ZSWIM5: variants seen among roughly 807,000 people sequenced by gnomAD.
ZSWIM5 encodes zinc finger SWIM domain-containing protein 5.
ZSWIM5 carries 55 observed loss-of-function variants against 119.6 expected under a neutral mutation model. The observed-to-expected ratio is 0.46, with a 90% CI of 0.37 to 0.58. The LOEUF is 0.58. ZSWIM5 is among the 20% of genes least tolerant of loss of function. The pLI, the probability that ZSWIM5 is intolerant of heterozygous loss-of-function variation, is 0.00. For missense variants in ZSWIM5, 1,193 were observed against 1,512.8 expected, an observed-to-expected ratio of 0.79 and a Z score of 3.51; for synonymous variants, 537 against 606.9, an observed-to-expected ratio of 0.88 and a Z score of 1.69.
At chr1:45,059,814 G>A (rs1645142562) in intron 3 of ZSWIM5, among the ~76,000 whole-genome samples, 1 of 152,128 alleles carries the variant, frequency 6.6e-6, no homozygotes, top group African/African-American at 2.4e-5. Flanking sequence ...AGGCAGCACT[G>A]GATTAAAAGC....
chr1:45,206,029 C>T lies in ZSWIM5; in HGVS notation c.322G>A (p.Glu108Lys). 1 of 1,606,082 alleles carries T rather than the reference C, an allele frequency of 6.2e-7. No homozygotes were observed. Residue 108 changes from glutamate to lysine, a missense_variant, in exon 1 of 14, where the codon GAG (glutamate) becomes AAG (lysine). This residue lies in a region of ZSWIM5 where 232 missense variants were observed against 222.9 expected (regional missense o/e 1.04). Transcript: ENST00000359600. ...TGGAAGCTGGAGTACATGCAGATCT[C>T]CCGCTCATTCCGCGGGAAGGACCAG... ...VYWSFPRNER[E>K]ICMYSSFQYR...
At position 45,043,406 on chromosome 1, in the gene ZSWIM5, A is replaced by G. The variant is rs757799733; in HGVS notation, c.1433-11T>C. On this transcript the variant is annotated splice_polypyrimidine_tract_variant and intron_variant, in intron 5 of 13. Coordinates refer to ENST00000359600, the MANE Select transcript of ZSWIM5 (RefSeq NM_020883.2). ...GTCTGGATAAGGAGTCTGGAGAAAG[A>G]AGAACATGCAGCAGTACAGTGACAG... 3 of 1,613,744 alleles carry G rather than the reference A, an allele frequency of 1.9e-6. No homozygotes were observed. Among genetic ancestry groups the G allele is most frequent in the South Asian group, 2.2e-5 (2 of 91,084 alleles).
intron 4 of ZSWIM5, among the ~76,000 whole-genome samples, chr1:45,052,696 C>T (rs1645096213): frequency 6.6e-6 from 1 of 151,356 alleles, no homozygotes; most frequent in African/African-American, 2.4e-5. Flanking sequence ...TTGTTTGAGC[C>T]CAGGAGGTGG....
At position 45,087,957 on chromosome 1, in the gene ZSWIM5, G is replaced by A. The variant is rs772526754; in HGVS notation, c.876C>T (p.His292=). The stretch of plus-strand genomic sequence containing the variant: ...TCTGTGCAGTAGGAAGAACTTCAGT[G>A]TGGTGTGCCGTGATTAAATATTGAA... ...KFIQYLITAH[H]TEVLPTAQKL... The change falls in exon 2 of 14, where the codon CAC becomes CAT. Residue 292 remains histidine (H), a synonymous_variant. Coordinates refer to ENST00000359600, the MANE Select transcript of ZSWIM5 (RefSeq NM_020883.2). 23 of 1,614,088 alleles carry A rather than the reference G, an allele frequency of 1.4e-5. No individual in the cohort carries two copies. In the African/African-American group the frequency reaches 1.7e-4, roughly 12 times the overall value.
At chr1:45,145,794 T>C (rs1038939094) in intron 1 of ZSWIM5, among the ~76,000 whole-genome samples, 4 of 152,152 alleles carry the variant, frequency 2.6e-5, no homozygotes, top group African/African-American at 9.7e-5. Context: ...AAAGTCACTT[T>C]TATTGTGTGA....
intron 11 of ZSWIM5, among the ~76,000 whole-genome samples, chr1:45,031,169 A>ATTTTTTTTTTT (rs34390567): frequency 3.2e-5 from 2 of 61,746 alleles, no homozygotes; most frequent in Non-Finnish European, 5.5e-5. Flanking sequence ...TTTTGCTCTG[A>ATTTTTTTTTTT]TTTTTTTTTT....
At chr1:45,071,001 T>C (rs532300096) in intron 2 of ZSWIM5, among the ~76,000 whole-genome samples, 6 of 152,300 alleles carry the variant, frequency 3.9e-5, no homozygotes, top group African/African-American at 1.4e-4. Context: ...TGTGGGTAGA[T>C]AGTAGGTATA....
At chr1:45,034,683 G>A (rs943976228) in intron 10 of ZSWIM5, among the ~76,000 whole-genome samples, 4 of 152,180 alleles carry the variant, frequency 2.6e-5, no homozygotes, top group African/African-American at 9.7e-5. Flanking sequence ...CACTACAAAT[G>A]GATGTGAAAG....
At position 45,017,138 on chromosome 1, in the gene ZSWIM5, G is replaced by C. The variant is rs538433682; in HGVS notation, c.*1316C>G. The C allele has an allele frequency of 6.6e-6, 1 of 152,322 alleles. No homozygotes were observed. The highest frequency in any genetic ancestry group is 2.1e-4 in the South Asian group (1 of 4,824). 9.4% of individuals were successfully genotyped at this position (152,322 alleles called of 1,614,324 possible). On this transcript the variant is annotated 3_prime_UTR_variant, in exon 14 of 14. Coordinates refer to ENST00000359600, the MANE Select transcript of ZSWIM5 (RefSeq NM_020883.2). Reference sequence around the variant, plus strand: ...AATGAATAGAGGAGGCACAGAGATGGGGAACAAACGTTTAGCTGGCGAGAG... The same window carrying C: ...AATGAATAGAGGAGGCACAGAGATGCGGAACAAACGTTTAGCTGGCGAGAG...
intron 1 of ZSWIM5, among the ~76,000 whole-genome samples, chr1:45,163,931 C>T (rs1557785208): frequency 6.6e-6 from 1 of 152,182 alleles, no homozygotes; most frequent in Non-Finnish European, 1.5e-5. Flanking sequence ...CCCAACCTAG[C>T]AAGGCAGGCC....
intron 1 of ZSWIM5, among the ~76,000 whole-genome samples, chr1:45,178,951 T>C (rs1232311449): frequency 1.3e-5 from 2 of 152,024 alleles, no homozygotes; most frequent in Non-Finnish European, 2.9e-5. Context: ...ATGAATGAAT[T>C]CCACAAGGTT....
At chr1:45,150,678 C>T (rs1246860874) in intron 1 of ZSWIM5, among the ~76,000 whole-genome samples, 1 of 152,168 alleles carries the variant, frequency 6.6e-6, no homozygotes, top group East Asian at 1.9e-4. Context: ...TACTATTACT[C>T]TTATTACATT....
intron 2 of ZSWIM5, among the ~76,000 whole-genome samples, chr1:45,077,624 A>T (rs1228029808): frequency 6.6e-6 from 1 of 152,216 alleles, no homozygotes; most frequent in Non-Finnish European, 1.5e-5. Context: ...CAGGGTTTTG[A>T]GATCAACTGG....
At chr1:45,123,202 C>T (rs1249419464) in intron 1 of ZSWIM5, among the ~76,000 whole-genome samples, 1 of 151,964 alleles carries the variant, frequency 6.6e-6, no homozygotes, top group African/African-American at 2.4e-5. Flanking sequence ...CCCCAAATGT[C>T]CAGGTTTAAA....
chr1:45,103,232 T>C (rs889567100), intron 1 of ZSWIM5, among the ~76,000 whole-genome samples: 12 of 152,316 alleles, frequency 7.9e-5, no homozygotes, highest in African/African-American at 2.9e-4. Context: ...TTTTCAAAAA[T>C]ATAAAATACA....
At chr1:45,097,302 G>GATATATACAA (rs1645409326) in intron 1 of ZSWIM5, among the ~76,000 whole-genome samples, 1 of 152,186 alleles carries the variant, frequency 6.6e-6, no homozygotes, top group Non-Finnish European at 1.5e-5. Flanking sequence ...GTGACAGACA[G>GATATATACAA]ATATATACAA....
chr1:45,164,668 T>C lies in ZSWIM5; in HGVS notation c.595+41088A>G, dbSNP rs560902868. On this transcript the variant is annotated intron_variant, in intron 1 of 13. Transcript: ENST00000359600. ...AAAACAAAAGCAGGAGTTGCAATCCTAGTCTCTGATAAAACAGACTTTAAA... is the reference window on the plus strand; with the variant it reads ...AAAACAAAAGCAGGAGTTGCAATCCCAGTCTCTGATAAAACAGACTTTAAA... Among the ~76,000 whole-genome samples, 154 of 152,220 alleles carry C rather than the reference T, an allele frequency of 1.0e-3. 3 individuals carry two copies. The highest frequency in any genetic ancestry group is 2.0e-3 in the Non-Finnish European group (134 of 68,010).
intron 1 of ZSWIM5, among the ~76,000 whole-genome samples, chr1:45,160,447 C>T (rs1557784028): frequency 6.6e-6 from 1 of 152,152 alleles, no homozygotes; most frequent in Non-Finnish European, 1.5e-5. Context: ...ATGTACTCCT[C>T]CCAGCCTCTG....
chr1:45,104,588 G>C (rs1181525668), intron 1 of ZSWIM5, among the ~76,000 whole-genome samples: 3 of 152,234 alleles, frequency 2.0e-5, no homozygotes, highest in East Asian at 3.8e-4. Context: ...CACTGGGTGA[G>C]GGTGCGAGAG....
Sources: allele counts gnomAD v4.1 joint callset (sites outside exome capture counted in the v4.1 genomes callset), GRCh38; gene constraint gnomAD v4.1.1; regional missense constraint gnomAD v4.1.1; transcripts MANE v1.5; gene names NCBI Gene and HGNC (gene_info 2026-07-23, HGNC 2026-07-21).